Variants in SCMH1 observed in about 807,000 individuals in gnomAD.
SCMH1 encodes polycomb protein SCMH1.
SCMH1 carries 37 observed loss-of-function variants against 70.8 expected under a neutral mutation model. The ratio of observed to expected loss-of-function variants is 0.52; its 90% CI spans 0.40 to 0.69. The LOEUF is 0.69. Among genes scored for constraint, SCMH1 ranks in the 30% least tolerant of loss-of-function variants. The probability of loss-of-function intolerance (pLI) is 0.00; values close to 1 mark genes in which losing one functional copy is unlikely to be tolerated. For missense variants in SCMH1, 607 were observed against 827.3 expected, an observed-to-expected ratio of 0.73 and a Z score of 3.27; for synonymous variants, 292 against 307.4, an observed-to-expected ratio of 0.95 and a Z score of 0.52.
chr1:41,059,019 C>G (rs545416817), intron 10 of SCMH1, among the ~76,000 whole-genome samples: 1 of 152,318 alleles, frequency 6.6e-6, no homozygotes, highest in African/African-American at 2.4e-5. Context: ...TGTGAATGAT[C>G]TGTGCAGGCA....
chr1:41,084,383 C>G (rs1469778753), intron 8 of SCMH1, among the ~76,000 whole-genome samples: 2 of 152,132 alleles, frequency 1.3e-5, no homozygotes, highest in African/African-American at 4.8e-5. Flanking sequence ...AAAATGCTCA[C>G]CATCACTGGC....
intron 6 of SCMH1, among the ~76,000 whole-genome samples, chr1:41,140,423 G>T (rs1174062435): frequency 1.3e-5 from 2 of 151,942 alleles, no homozygotes; most frequent in Non-Finnish European, 1.5e-5. Context: ...CTCCCACGTA[G>T]CTGGGACTAC....
At chr1:41,165,612 T>C (rs1646361689) in intron 2 of SCMH1, among the ~76,000 whole-genome samples, 2 of 152,170 alleles carry the variant, frequency 1.3e-5, no homozygotes, top group Admixed American at 1.3e-4. Context: ...CTCACTGTGG[T>C]TTTCATTTGC....
At chr1:41,184,173 G>A (rs1649565147) in intron 2 of SCMH1, among the ~76,000 whole-genome samples, 1 of 152,084 alleles carries the variant, frequency 6.6e-6, no homozygotes, top group Non-Finnish European at 1.5e-5. Context: ...GTCAGGGGAG[G>A]CTCAGAGGTT....
rs561134665 is a variant in SCMH1 at position 41,234,718 on chromosome 1, C to T, written c.-118+7341G>A. Reference sequence around the variant, plus strand: ...CTCGATCTCCTGACCTCATGATCAGCCCACCTCGGCCTCCCAAAATGCTGG... The same window carrying T: ...CTCGATCTCCTGACCTCATGATCAGTCCACCTCGGCCTCCCAAAATGCTGG... On this transcript the variant is annotated intron_variant, in intron 1 of 14. Transcript: ENST00000337495. Among the ~76,000 whole-genome samples the T allele has an allele frequency of 4.4e-4, 67 of 152,080 alleles. No homozygotes were observed. In the South Asian group the frequency reaches 0.014, roughly 31 times the overall value.
At chr1:41,218,965 A>G (rs982530440) in intron 1 of SCMH1, among the ~76,000 whole-genome samples, 1 of 152,174 alleles carries the variant, frequency 6.6e-6, no homozygotes, top group Non-Finnish European at 1.5e-5. Flanking sequence ...TCTGATAGTC[A>G]GATGGTTCAA....
intron 8 of SCMH1, among the ~76,000 whole-genome samples, chr1:41,094,845 C>T (rs1374756940): frequency 6.6e-6 from 1 of 151,222 alleles, no homozygotes; most frequent in Non-Finnish European, 1.5e-5. Flanking sequence ...GCTGAGATTG[C>T]ACCATTGCAC....
At chr1:41,071,217 A>G (rs1656373732) in intron 9 of SCMH1, among the ~76,000 whole-genome samples, 1 of 151,852 alleles carries the variant, frequency 6.6e-6, no homozygotes, top group African/African-American at 2.4e-5. Context: ...CTAAATCTCT[A>G]TTGCTTCTTT....
chr1:41,165,846 C>T (rs1166473211), intron 2 of SCMH1, among the ~76,000 whole-genome samples: 2 of 152,002 alleles, frequency 1.3e-5, no homozygotes, highest in Non-Finnish European at 2.9e-5. Flanking sequence ...CTCTTTCCTT[C>T]ATTGTTTCCT....
At chr1:41,037,444 G>T (rs769632981) in exon 13 of SCMH1, 3 of 1,614,232 alleles carry the variant, frequency 1.9e-6, no homozygotes, top group Non-Finnish European at 2.5e-6. Flanking sequence ...GCCTTTGGGA[G>T]GTGCTGACAA....
chr1:41,176,438 G>A (rs868347378), intron 2 of SCMH1, among the ~76,000 whole-genome samples: 4 of 152,202 alleles, frequency 2.6e-5, no homozygotes, highest in East Asian at 1.9e-4. Flanking sequence ...AGCATGAGCC[G>A]AAGCAGGGCG....
At chr1:41,228,873 T>C (rs1573249770) in intron 1 of SCMH1, among the ~76,000 whole-genome samples, 1 of 152,174 alleles carries the variant, frequency 6.6e-6, no homozygotes, top group South Asian at 2.1e-4. Flanking sequence ...GTAGGCAAAG[T>C]GTTCAGATGC....
chr1:41,225,519 T>C (rs1660094656), intron 1 of SCMH1, among the ~76,000 whole-genome samples: 1 of 152,098 alleles, frequency 6.6e-6, no homozygotes, highest in African/African-American at 2.4e-5. Flanking sequence ...GACAAGCAAA[T>C]CCATTAACGA....
intron 6 of SCMH1, among the ~76,000 whole-genome samples, chr1:41,142,285 T>C (rs1644166903): frequency 6.6e-6 from 1 of 152,148 alleles, no homozygotes; most frequent in Non-Finnish European, 1.5e-5. Context: ...ACTGTAATAG[T>C]GATTGACAGT....
chr1:41,135,068 T>C (rs1643048483), intron 6 of SCMH1, among the ~76,000 whole-genome samples: 1 of 152,226 alleles, frequency 6.6e-6, no homozygotes, highest in African/African-American at 2.4e-5. Context: ...TTGTTTTAAA[T>C]ATGTTAAATC....
intron 12 of SCMH1, among the ~76,000 whole-genome samples, chr1:41,041,814 T>C (rs1388157062): frequency 1.3e-5 from 2 of 152,184 alleles, no homozygotes; most frequent in Non-Finnish European, 2.9e-5. Context: ...TCATGGGCAA[T>C]GAACCACTTC....
chr1:41,180,989 C>G (rs1648571044), intron 2 of SCMH1, among the ~76,000 whole-genome samples: 1 of 152,090 alleles, frequency 6.6e-6, no homozygotes, highest in African/African-American at 2.4e-5. Context: ...GGTAGTGATA[C>G]CAAAACAGAG....
chr1:41,162,883 T>C (rs1160381200), intron 2 of SCMH1: 3 of 152,294 alleles, frequency 2.0e-5, no homozygotes, highest in Non-Finnish European at 4.4e-5. Flanking sequence ...ACAGCACCTC[T>C]TCATCTTGCT....
chr1:41,053,851 T>G (rs977064907), intron 10 of SCMH1, among the ~76,000 whole-genome samples: 1 of 152,066 alleles, frequency 6.6e-6, no homozygotes, highest in Admixed American at 6.5e-5. Flanking sequence ...TGTTTTGTTT[T>G]TTTTTGTTTT....
Sources: gnomAD v4.1 joint callset for allele counts (sites outside exome capture counted in the v4.1 genomes callset) on GRCh38, gnomAD v4.1.1 for gene constraint, MANE v1.5 for transcripts, NCBI Gene and HGNC (gene_info 2026-07-23, HGNC 2026-07-21) for gene names.